Variants in CDH20 observed in about 807,000 individuals in gnomAD.
CDH20 encodes cadherin-20.
CDH20 carries 29 observed loss-of-function variants against 74.2 expected under a neutral mutation model. The observed-to-expected ratio is 0.39, with a 90% CI of 0.29 to 0.53. CDH20 has a LOEUF of 0.53. Among genes scored for constraint, CDH20 ranks in the 20% least tolerant of loss-of-function variants. The pLI is 0.69. For missense variants in CDH20, 988 were observed against 1,048.3 expected (o/e 0.94, Z 0.79); for synonymous variants, 469 against 405.4 (o/e 1.16, Z -1.88).
rs1568106636 is a variant in CDH20, at chr18:61,353,006, C to T, written c.-153+19179C>T. Reference sequence around the variant, plus strand: ...TATAATAGCTCTTCAAACATATAAACAAAGCCAACATGGTCTCCCAGTCAG... The same window carrying T: ...TATAATAGCTCTTCAAACATATAAATAAAGCCAACATGGTCTCCCAGTCAG... On this transcript the variant is annotated intron_variant, in intron 1 of 11. Transcript: ENST00000262717. The surrounding 1 kb of genome is among the most constrained non-coding windows in gnomAD (Gnocchi z 4.6). Among the ~76,000 whole-genome samples, 1 of 152,126 alleles carries T rather than the reference C, an allele frequency of 6.6e-6. No homozygotes were observed. Among genetic ancestry groups the T allele is most frequent in the East Asian group, 1.9e-4 (1 of 5,190 alleles).
chr18:61,479,271 C>G (rs758363740), intron 1 of CDH20, among the ~76,000 whole-genome samples: 3 of 151,998 alleles, frequency 2.0e-5, no homozygotes, highest in Non-Finnish European at 2.9e-5. Flanking sequence ...AAAACCATCC[C>G]CTGCTCCAAC....
intron 2 of CDH20, among the ~76,000 whole-genome samples, chr18:61,495,194 AG>A (rs1158886089): frequency 6.6e-6 from 1 of 152,220 alleles, no homozygotes; most frequent in African/African-American, 2.4e-5. Flanking sequence ...AGTCAGTGTT[AG>A]TTGAATTAAA....
chr18:61,520,248 G>A lies in CDH20; in HGVS notation c.1018-7719G>A, dbSNP rs533429932. The stretch of plus-strand genomic sequence containing the variant: ...GGAGAATGGCGTGAACCTGGGAGGC[G>A]GAGCTTGCAGTGAGCCTAGATCGTG... On this transcript the variant is annotated intron_variant, in intron 6 of 11. Transcript: ENST00000262717. Among the ~76,000 whole-genome samples the A allele has an allele frequency of 8.3e-4, 124 of 148,942 alleles. 3 individuals are homozygous for A. The highest frequency in any genetic ancestry group is 4.4e-3 in the South Asian group (21 of 4,752).
intron 1 of CDH20, among the ~76,000 whole-genome samples, chr18:61,442,063 T>C (rs1909049467): frequency 6.6e-6 from 1 of 151,960 alleles, no homozygotes; most frequent in Admixed American, 6.6e-5. Flanking sequence ...ACAAGGAAAA[T>C]GCAAAACAAA....
At chr18:61,471,310 C>T (rs906845440) in intron 1 of CDH20, among the ~76,000 whole-genome samples, 3 of 152,178 alleles carry the variant, frequency 2.0e-5, no homozygotes, top group Admixed American at 6.5e-5. Context: ...ATAATTGTTC[C>T]ACCTACCTAA....
At chr18:61,432,003 G>A (rs1913270983) in intron 1 of CDH20, among the ~76,000 whole-genome samples, 2 of 151,954 alleles carry the variant, frequency 1.3e-5, no homozygotes, top group Admixed American at 1.3e-4. Flanking sequence ...TTGGGATGTC[G>A]AGGCGGGCAG....
At chr18:61,378,964 G>A in intron 1 of CDH20, among the ~76,000 whole-genome samples, 1 of 151,520 alleles carries the variant, frequency 6.6e-6, no homozygotes, top group Non-Finnish European at 1.5e-5. Context: ...ATTAAATGGT[G>A]GCCTTTTTCT....
At chr18:61,521,846 GA>G (rs1463502995) in intron 6 of CDH20, among the ~76,000 whole-genome samples, 1 of 152,152 alleles carries the variant, frequency 6.6e-6, no homozygotes, top group Non-Finnish European at 1.5e-5. Context: ...CAATAGTGCA[GA>G]AAAGCCCTTC....
At chr18:61,511,495 T>C (rs748769430) in intron 6 of CDH20, among the ~76,000 whole-genome samples, 1 of 152,118 alleles carries the variant, frequency 6.6e-6, no homozygotes, top group African/African-American at 2.4e-5. Context: ...TACTGTTTCT[T>C]TAGTACGAAA....
At chr18:61,484,029 G>A (rs1910676338) in intron 1 of CDH20, among the ~76,000 whole-genome samples, 1 of 152,080 alleles carries the variant, frequency 6.6e-6, no homozygotes, top group Admixed American at 6.5e-5. Flanking sequence ...ATTTTTTATG[G>A]GTCAAGGAAA....
At chr18:61,369,262 G>A (rs541339438) in intron 1 of CDH20, among the ~76,000 whole-genome samples, 1 of 152,248 alleles carries the variant, frequency 6.6e-6, no homozygotes, top group Non-Finnish European at 1.5e-5. Flanking sequence ...GGTGGAATTG[G>A]AATATAAAGT....
intron 1 of CDH20, among the ~76,000 whole-genome samples, chr18:61,359,948 CCAGT>C (rs1261483790): frequency 2.0e-5 from 3 of 152,160 alleles, no homozygotes; most frequent in African/African-American, 7.2e-5. Context: ...GTCAACTCTT[CCAGT>C]CAATTACAGA....
At chr18:61,521,714 G>C (rs2144359037) in intron 6 of CDH20, among the ~76,000 whole-genome samples, 1 of 148,272 alleles carries the variant, frequency 6.7e-6, no homozygotes, top group Middle Eastern at 3.5e-3. Context: ...ACATCAAAAA[G>C]ATTATCCACC....
At position 61,444,540 on chromosome 18, in the gene CDH20, T is replaced by G. The variant is rs575628411; in HGVS notation, c.-152-45862T>G. ...AAATGGAGGTTCTCAGGCATTGAGA[T>G]AGTCAATTACTTGCTGGTAGTCTTT... On this transcript the variant is annotated intron_variant, in intron 1 of 11. Transcript: ENST00000262717. Among the ~76,000 whole-genome samples the G allele has an allele frequency of 2.6e-5, 4 of 152,290 alleles. No individual in the cohort carries two copies. The South Asian group carries it at 8.3e-4, about 32-fold the overall frequency.
intron 1 of CDH20, among the ~76,000 whole-genome samples, chr18:61,370,467 C>T (rs1036882810): frequency 6.6e-6 from 1 of 152,092 alleles, no homozygotes; most frequent in Non-Finnish European, 1.5e-5. Context: ...CACCATATTA[C>T]TTCTCCTATA....
At position 61,496,691 on chromosome 18, in the gene CDH20, G is replaced by A. The variant is rs145255239; in HGVS notation, c.247-2495G>A. On this transcript the variant is annotated intron_variant, in intron 2 of 11. Transcript: ENST00000262717. ...GTGTGCTGAATATTTCAAGGATCAC[G>A]GAACAAACAGTTTTATTTGATAAAT... Among the ~76,000 whole-genome samples the A allele has an allele frequency of 6.2e-4, 94 of 152,268 alleles. No homozygotes were observed. The East Asian group carries it at 0.012, about 20-fold the overall frequency.
At chr18:61,504,803 T>C (rs978749093) in intron 5 of CDH20, among the ~76,000 whole-genome samples, 1 of 152,040 alleles carries the variant, frequency 6.6e-6, no homozygotes, top group African/African-American at 2.4e-5. Context: ...AACCTTCCCT[T>C]GTATCTATGT....
At chr18:61,430,180 C>T (rs769924946) in intron 1 of CDH20, among the ~76,000 whole-genome samples, 14 of 151,934 alleles carry the variant, frequency 9.2e-5, no homozygotes, top group Non-Finnish European at 1.6e-4. Flanking sequence ...TGCTTGCAAG[C>T]GTAAATCTCA....
intron 1 of CDH20, among the ~76,000 whole-genome samples, chr18:61,382,148 T>C: frequency 6.6e-6 from 1 of 152,232 alleles, no homozygotes; most frequent in Non-Finnish European, 1.5e-5. Flanking sequence ...TTCATTGCTA[T>C]TAAAATTACA....
Sources: gnomAD v4.1 joint callset for allele counts (sites outside exome capture counted in the v4.1 genomes callset) on GRCh38, gnomAD v4.1.1 for gene constraint, Gnocchi (gnomAD v3.1) non-coding constraint, MANE v1.5 for transcripts, NCBI Gene and HGNC (gene_info 2026-07-23, HGNC 2026-07-21) for gene names.